ALPK2: variants seen among roughly 807,000 people sequenced by gnomAD.
ALPK2 encodes alpha-protein kinase 2.
In ALPK2, 127 loss-of-function variants were observed where a neutral mutation model predicts 163.1. The ratio of observed to expected loss-of-function variants is 0.78; its 90% CI spans 0.67 to 0.90. The LOEUF (loss-of-function observed/expected upper bound fraction) is 0.90, where lower values mean the gene tolerates loss of function less well. ALPK2 is among the 40% of genes least tolerant of loss of function. The probability of loss-of-function intolerance (pLI) is 0.00; values close to 1 mark genes in which losing one functional copy is unlikely to be tolerated. For synonymous variants in ALPK2, 953 were observed against 959.1 expected (o/e 0.99, Z 0.12); for missense variants, 2,360 against 2,589.6 (o/e 0.91, Z 1.92).
intron 4 of ALPK2, among the ~76,000 whole-genome samples, chr18:58,561,357 C>CA (rs2051824765): frequency 6.6e-6 from 1 of 152,122 alleles, no homozygotes; most frequent in African/African-American, 2.4e-5. Flanking sequence ...ACTGGGCCTT[C>CA]AGGAATGGGC....
chr18:58,579,901 T>A lies in ALPK2; in HGVS notation c.875A>T (p.Asn292Ile). The A allele has an allele frequency of 6.2e-7, 1 of 1,614,204 alleles. No homozygotes were observed. The highest frequency in any genetic ancestry group is 8.5e-7 in the Non-Finnish European group (1 of 1,180,038). Residue 292 changes from asparagine (N) to isoleucine (I), a missense_variant, in exon 4 of 13, where the codon AAC (asparagine) becomes ATC (isoleucine). Transcript: ENST00000361673. Reference sequence around the variant, plus strand: ...GGAAAGCTGTGGGCTGGGTTGTTTGTTGGCCACGGCACTGTCACCTGGGTA... The same window carrying A: ...GGAAAGCTGTGGGCTGGGTTGTTTGATGGCCACGGCACTGTCACCTGGGTA... ...HIYPGDSAVANKQPSPQLSSE... is the reference protein window; with the variant it reads ...HIYPGDSAVAIKQPSPQLSSE...
At chr18:58,499,069 G>A (rs961715430) in intron 11 of ALPK2, among the ~76,000 whole-genome samples, 25 of 152,274 alleles carry the variant, frequency 1.6e-4, no homozygotes, top group Non-Finnish European at 3.4e-4. Flanking sequence ...TGAGTTCTAT[G>A]TAGACACTGA....
intron 1 of ALPK2, among the ~76,000 whole-genome samples, chr18:58,613,706 A>C (rs924696266): frequency 4.6e-5 from 4 of 86,798 alleles, no homozygotes; most frequent in Admixed American, 2.8e-4. Flanking sequence ...CTCAAAAAAA[A>C]AAAATAATAA....
intron 4 of ALPK2, among the ~76,000 whole-genome samples, chr18:58,555,694 G>A (rs2051786755): frequency 6.6e-6 from 1 of 152,208 alleles, no homozygotes; most frequent in Non-Finnish European, 1.5e-5. Flanking sequence ...GCATGCATGA[G>A]GCCCGAAGAA....
At chr18:58,607,259 T>G in intron 3 of ALPK2, 63 bp downstream of exon 3, 1 of 1,199,144 alleles carries the variant, frequency 8.3e-7, no homozygotes, top group South Asian at 1.6e-5. Context: ...TACCTCATAG[T>G]AATCAGCACA....
chr18:58,529,875 T>G (rs1374950852), intron 5 of ALPK2, among the ~76,000 whole-genome samples: 2 of 152,180 alleles, frequency 1.3e-5, no homozygotes, highest in Non-Finnish European at 2.9e-5. Flanking sequence ...CACCTCAGTA[T>G]CAATATCAGT....
intron 1 of ALPK2, among the ~76,000 whole-genome samples, chr18:58,626,951 G>C (rs140058130): frequency 1.3e-5 from 2 of 151,270 alleles, no homozygotes; most frequent in East Asian, 3.9e-4. Flanking sequence ...ACTATGATTC[G>C]ACACATACTT....
chr18:58,541,440 G>C (rs956079883), intron 4 of ALPK2, among the ~76,000 whole-genome samples: 1 of 152,166 alleles, frequency 6.6e-6, no homozygotes, highest in East Asian at 1.9e-4. Flanking sequence ...TCCAACATTG[G>C]GGATTACATC....
In ALPK2 at chr18:58,611,833, A is replaced by T; in HGVS notation, c.-20-16T>A. The T allele has an allele frequency of 7.5e-7, 1 of 1,339,886 alleles. No individual in the cohort carries two copies. The highest frequency in any genetic ancestry group is 1.3e-5 in the South Asian group (1 of 76,684). The allele number at this position is 1,339,886 out of a possible 1,614,324, so 83.0% of individuals were successfully genotyped here. On this transcript the variant is annotated splice_polypyrimidine_tract_variant and intron_variant, in intron 1 of 12. Coordinates refer to ENST00000361673, the MANE Select transcript of ALPK2 (RefSeq NM_052947.4). ...CGCACCAAATCTGAAAAAAAAAAAA[A>T]TCCCCGACATCACCATTTGTTCTGG...
chr18:58,507,439 C>T (rs149913380), intron 10 of ALPK2, among the ~76,000 whole-genome samples: 90 of 152,264 alleles, frequency 5.9e-4, no homozygotes, highest in South Asian at 8.3e-4. Flanking sequence ...GGCCACACAA[C>T]GTCAGGAAAA....
intron 4 of ALPK2, among the ~76,000 whole-genome samples, chr18:58,573,186 G>GTGTATA (rs1568089239): frequency 6.8e-6 from 1 of 146,234 alleles, no homozygotes; most frequent in Non-Finnish European, 1.5e-5. Flanking sequence ...CATTATATAT[G>GTGTATA]TATATGTGTA....
At chr18:58,532,504 C>A (rs1319602870) in intron 5 of ALPK2, among the ~76,000 whole-genome samples, 1 of 152,184 alleles carries the variant, frequency 6.6e-6, no homozygotes, top group African/African-American at 2.4e-5. Flanking sequence ...ATGACTCCTA[C>A]CTTCTGGCCG....
intron 4 of ALPK2, among the ~76,000 whole-genome samples, chr18:58,545,883 G>A (rs1017477536): frequency 2.0e-5 from 3 of 152,006 alleles, no homozygotes; most frequent in Admixed American, 6.6e-5. Context: ...CCTCCCCCAC[G>A]GATAACCTTT....
intron 12 of ALPK2, among the ~76,000 whole-genome samples, chr18:58,487,065 G>A (rs1250189282): frequency 6.6e-6 from 1 of 152,170 alleles, no homozygotes; most frequent in African/African-American, 2.4e-5. Context: ...TTTCATGTTG[G>A]ATAGATATAG....
At chr18:58,606,845 A>C (rs951812303) in intron 3 of ALPK2, among the ~76,000 whole-genome samples, 6 of 152,210 alleles carry the variant, frequency 3.9e-5, no homozygotes, top group African/African-American at 1.4e-4. Context: ...AAAAAATTCG[A>C]AATCACTGTA....
At chr18:58,612,304 T>C (rs560519610) in intron 1 of ALPK2, among the ~76,000 whole-genome samples, 1 of 152,284 alleles carries the variant, frequency 6.6e-6, no homozygotes, top group South Asian at 2.1e-4. Context: ...CTCAAAAAAG[T>C]GTGCATATGT....
In ALPK2 at chr18:58,611,713, C is replaced by G; in HGVS notation, c.85G>C (p.Ala29Pro). 6.2e-7 allele frequency: 1 copy of G among 1,612,978 alleles called. No individual in the cohort carries two copies. Among genetic ancestry groups the G allele is most frequent in the South Asian group, 1.1e-5 (1 of 90,878 alleles). ...LSQKVPEKSDAVLRCIISGQP... is the reference protein window; with the variant it reads ...LSQKVPEKSDPVLRCIISGQP... ...CCAGATATTATGCAGCGAAGCACAG[C>G]GTCTGACTTCTCAGGAACCTTCTGG... is the stretch of plus-strand genomic sequence containing the variant. Residue 29 changes from alanine to proline, a missense_variant, in exon 2 of 13, where the codon GCT becomes CCT. By Grantham distance (27) the Ala-to-Pro change is conservative. Transcript: ENST00000361673.
At chr18:58,578,409 T>C (rs1375825244) in intron 4 of ALPK2, 1 of 159,178 alleles carries the variant, frequency 6.3e-6, no homozygotes, top group Non-Finnish European at 1.4e-5. Context: ...CAATGTTTTT[T>C]TCCCCCTTCT....
chr18:58,536,885 A>G lies in ALPK2; in HGVS notation c.3302T>C (p.Leu1101Pro). 6.2e-7 allele frequency: 1 copy of G among 1,614,186 alleles called. No individual in the cohort carries two copies. Among genetic ancestry groups the G allele is most frequent in the South Asian group, 1.1e-5 (1 of 91,090 alleles). Residue 1101 changes from leucine (L) to proline (P), a missense_variant, in exon 5 of 13, where the codon CTT (leucine) becomes CCT (proline). Transcript: ENST00000361673. ...ATCTCCAGACAGGTTATCAACCTGAAGAGGGGAATTACTGCAGAAACCCTC... is the reference window on the plus strand; with the variant it reads ...ATCTCCAGACAGGTTATCAACCTGAGGAGGGGAATTACTGCAGAAACCCTC... The part of the protein sequence containing the change: ...EGEGFCSNSP[L>P]QVDNLSGDKS...
Sources: gnomAD v4.1 joint callset for allele counts (sites outside exome capture counted in the v4.1 genomes callset) on GRCh38, gnomAD v4.1.1 for gene constraint, MANE v1.5 for transcripts, NCBI Gene and HGNC (gene_info 2026-07-23, HGNC 2026-07-21) for gene names.